ARHGAP9: variants seen among roughly 807,000 people sequenced by gnomAD.
ARHGAP9 encodes the protein rho GTPase-activating protein 9.
In ARHGAP9, 76 loss-of-function variants were observed where a neutral mutation model predicts 87.3. That is an observed-to-expected ratio of 0.87 (90% CI 0.72 to 1.05). The LOEUF (loss-of-function observed/expected upper bound fraction) is 1.05, where lower values mean the gene tolerates loss of function less well. Among genes scored for constraint, ARHGAP9 ranks in the 50% least tolerant of loss-of-function variants. The pLI, the probability that ARHGAP9 is intolerant of heterozygous loss-of-function variation, is 0.00. For missense variants in ARHGAP9, 941 were observed against 960.5 expected, an observed-to-expected ratio of 0.98 and a Z score of 0.27; for synonymous variants, 382 against 394.9, an observed-to-expected ratio of 0.97 and a Z score of 0.39.
chr12:57,472,412 G>C lies in ARHGAP9; in HGVS notation c.*105C>G, dbSNP rs1044603431. On this transcript the variant is annotated 3_prime_UTR_variant, in exon 18 of 18. Transcript: ENST00000393791. The stretch of plus-strand genomic sequence containing the variant: ...ACCTCAAGTCACACTCATGAAGATA[G>C]AGACAGTCATTTGGGAGATTTAAAG... 3 of 1,370,174 alleles carry C rather than the reference G, an allele frequency of 2.2e-6. No individual in the cohort carries two copies. In the African/African-American group the frequency reaches 4.4e-5, roughly 20 times the overall value. 84.9% of individuals were successfully genotyped at this position (1,370,174 alleles called of 1,614,324 possible). A position where few individuals can be genotyped will look rare whatever the true frequency, so the allele number is the denominator to read the frequency against.
intron 12 of ARHGAP9, 95 bp from the exon 13 acceptor site, chr12:57,475,068 C>G (rs1370129533): frequency 1.5e-6 from 2 of 1,336,492 alleles, no homozygotes; most frequent in East Asian, 4.8e-5. Context: ...GGCTGGTCCT[C>G]CTGGCTGCCT....
intron 1 of ARHGAP9, among the ~76,000 whole-genome samples, chr12:57,486,581 T>G (rs565011908): frequency 8.7e-5 from 11 of 126,600 alleles, no homozygotes; most frequent in Middle Eastern, 4.0e-3. Flanking sequence ...TACTTCTCAA[T>G]TTCATCTTTT....
intron 15 of ARHGAP9, 116 bp downstream of exon 15, chr12:57,474,307 G>T: frequency 6.4e-7 from 1 of 1,573,060 alleles, no homozygotes; most frequent in Non-Finnish European, 8.7e-7. Context: ...GTGGGGCAAG[G>T]TAGCTAAGGT....
At chr12:57,479,523 G>A in intron 1 of ARHGAP9, 99 bp from the exon 2 acceptor site, 1 of 1,498,378 alleles carries the variant, frequency 6.7e-7, no homozygotes, top group South Asian at 1.3e-5. Flanking sequence ...AGGGAGGTGA[G>A]GACGGGAGCC....
At chr12:57,480,923 G>A (rs375177795), upstream of ARHGAP9, 6 of 1,317,618 alleles carry the variant, frequency 4.6e-6, no homozygotes, top group Non-Finnish European at 4.3e-6. Flanking sequence ...CTGAGGGCTG[G>A]GTGGCTAGTA....
chr12:57,488,704 C>G, exon 1 of ARHGAP9: 1 of 1,490,846 alleles, frequency 6.7e-7, no homozygotes, highest in South Asian at 1.2e-5. Context: ...CCCACTGTGA[C>G]CTTCAGATAA....
intron 17 of ARHGAP9, among the ~76,000 whole-genome samples, chr12:57,473,175 G>A (rs913093174): frequency 5.3e-5 from 8 of 152,238 alleles, no homozygotes; most frequent in African/African-American, 1.9e-4. Flanking sequence ...CACTTTGGGA[G>A]GCTGAGGTGG....
Position 57,475,820 on chromosome 12 carries a change from C to T in ARHGAP9, c.1311+13G>A, listed in dbSNP as rs777833735. 2.5e-6 allele frequency: 4 copies of T among 1,613,144 alleles called. No homozygotes were observed. In the East Asian group the frequency reaches 8.9e-5, roughly 36 times the overall value. On this transcript the variant is annotated intron_variant, in intron 10 of 17. Coordinates refer to ENST00000393791, the MANE Select transcript of ARHGAP9 (RefSeq NM_032496.4). The stretch of plus-strand genomic sequence containing the variant: ...CCGGTCGGAGCCTCCCTCCGGGCCT[C>T]CACCCATCTAACCAGCCGCTCGATG...
intron 1 of ARHGAP9, chr12:57,488,180 C>T (rs1875593012): frequency 6.2e-7 from 1 of 1,613,952 alleles, no homozygotes. Flanking sequence ...AGGTGCTCAT[C>T]AGCACTGTAG....
intron 1 of ARHGAP9, 80 bp from the exon 2 acceptor site, chr12:57,479,504 C>A (rs1361920492): frequency 6.6e-7 from 1 of 1,514,800 alleles, no homozygotes; most frequent in East Asian, 2.4e-5. Context: ...GTTCTAGGAG[C>A]AGTGTTGCAG....
intron 1 of ARHGAP9, chr12:57,487,967 C>A: frequency 1.3e-6 from 1 of 747,282 alleles, no homozygotes; most frequent in South Asian, 1.6e-5. Context: ...AGTCTACTTT[C>A]CGGTAGCGGT....
At chr12:57,477,395 T>C in intron 4 of ARHGAP9, 64 bp downstream of exon 4, 1 of 1,575,794 alleles carries the variant, frequency 6.3e-7, no homozygotes, top group Non-Finnish European at 8.7e-7. Flanking sequence ...CACACTACCT[T>C]GAGGTTCATC....
chr12:57,475,229 G>T, intron 12 of ARHGAP9, 62 bp downstream of exon 12: 1 of 1,479,532 alleles, frequency 6.8e-7, no homozygotes. Context: ...CTAGTTCTGG[G>T]AAGCTCTACT....
chr12:57,474,169 C>A lies in ARHGAP9; in HGVS notation c.1791G>T (p.Arg597=), dbSNP rs754731556. The A allele has an allele frequency of 6.2e-7, 1 of 1,611,766 alleles. No individual in the cohort carries two copies. Among genetic ancestry groups the A allele is most frequent in the Admixed American group, 1.7e-5 (1 of 59,700 alleles). ...VFPEQPGQEG[R]LDLDSTEWDD... ...CCCACTCAGTACTGTCCAAATCTAA[C>A]CGACCTTCTGGAGGGAGAAGGAGGT... is the stretch of plus-strand genomic sequence containing the variant. The change falls in exon 16 of 18, where the codon CGG becomes CGT. Residue 597 remains arginine (R), a synonymous_variant. Transcript: ENST00000393791.
exon 1 of ARHGAP9, chr12:57,488,617 C>T (rs1312140202): frequency 1.9e-6 from 3 of 1,550,984 alleles, no homozygotes; most frequent in African/African-American, 2.7e-5. Flanking sequence ...TTTACCTCTT[C>T]TCATTCTCAG....
chr12:57,484,039 TCAA>T, upstream of ARHGAP9: 5 of 68,486 alleles, frequency 7.3e-5, no homozygotes, highest in Middle Eastern at 0.011. Flanking sequence ...AGACCCTGTC[TCAA>T]AAAAAAAAAA....
upstream of ARHGAP9, chr12:57,480,814 C>T: frequency 2.6e-6 from 4 of 1,550,594 alleles, no homozygotes; most frequent in Non-Finnish European, 2.6e-6. Context: ...TCAGCTTCTC[C>T]ACTGCACAAT....
upstream of ARHGAP9, chr12:57,480,955 C>T (rs761432776): frequency 8.7e-6 from 8 of 917,694 alleles, no homozygotes; most frequent in Non-Finnish European, 1.4e-5. Flanking sequence ...CCTCAGTGAT[C>T]TTCCTAGTTT....
chr12:57,488,173 T>C, intron 1 of ARHGAP9: 2 of 1,613,870 alleles, frequency 1.2e-6, no homozygotes, highest in Non-Finnish European at 1.7e-6. Flanking sequence ...AGAGCAGAGG[T>C]GCTCATCAGC....
Sources: gnomAD v4.1 joint callset for allele counts (sites outside exome capture counted in the v4.1 genomes callset) on GRCh38, gnomAD v4.1.1 for gene constraint, MANE v1.5 for transcripts, NCBI Gene and HGNC (gene_info 2026-07-23, HGNC 2026-07-21) for gene names.